Variants in NXPH1 observed in about 807,000 individuals in gnomAD.
The protein encoded by NXPH1 is neurexophilin 1.
Under a neutral mutation model 23.7 loss-of-function variants are expected in NXPH1, and 5 were observed. The observed-to-expected ratio is 0.21, with a 90% CI of 0.11 to 0.44. NXPH1 has a LOEUF of 0.44. Ranked by LOEUF, NXPH1 falls within the 20% of genes least tolerant of loss-of-function variation. The probability of loss-of-function intolerance (pLI) is 0.99; values close to 1 mark genes in which losing one functional copy is unlikely to be tolerated. For missense variants in NXPH1, 324 were observed against 321.6 expected (o/e 1.01, Z -0.06); for synonymous variants, 144 against 122.2 (o/e 1.18, Z -1.18).
chr7:8,623,301 T>C (rs995931606), intron 2 of NXPH1, among the ~76,000 whole-genome samples: 1 of 151,698 alleles, frequency 6.6e-6, no homozygotes, highest in Non-Finnish European at 1.5e-5. Flanking sequence ...ACTGGGGAAA[T>C]TGGATGAAAT....
At position 8,480,862 on chromosome 7, in the gene NXPH1, G is replaced by A. The variant is rs114339954; in HGVS notation, c.54+45095G>A. On this transcript the variant is annotated intron_variant, in intron 2 of 2. Coordinates refer to ENST00000405863, the MANE Select transcript of NXPH1 (RefSeq NM_152745.3). The stretch of plus-strand genomic sequence containing the variant: ...TTCCTTAGTGATTCACTAAGTGTTT[G>A]CAATCATGGTCCACACATTTAGTTG... Among the ~76,000 whole-genome samples, 1,037 of 152,256 alleles carry A rather than the reference G, an allele frequency of 6.8e-3. 14 individuals carry two copies. Among genetic ancestry groups the A allele is most frequent in the African/African-American group, 0.024 (1,001 of 41,542 alleles).
At chr7:8,722,443 A>C (rs1388723992) in intron 2 of NXPH1, among the ~76,000 whole-genome samples, 4 of 152,154 alleles carry the variant, frequency 2.6e-5, no homozygotes, top group African/African-American at 9.7e-5. Context: ...CTCCTTCCTC[A>C]CAGTCCTCAC....
intron 2 of NXPH1, among the ~76,000 whole-genome samples, chr7:8,640,947 G>A (rs185103990): frequency 2.0e-5 from 3 of 152,100 alleles, no homozygotes; most frequent in Admixed American, 2.0e-4. Flanking sequence ...GAGCAAGACT[G>A]TCTCTAATAT....
At chr7:8,658,707 AT>A (rs1455748241) in intron 2 of NXPH1, among the ~76,000 whole-genome samples, 1 of 152,206 alleles carries the variant, frequency 6.6e-6, no homozygotes, top group African/African-American at 2.4e-5. Context: ...TATGTGTATT[AT>A]TTTATAGTGT....
At chr7:8,558,078 G>A (rs1376507125) in intron 2 of NXPH1, among the ~76,000 whole-genome samples, 1 of 151,582 alleles carries the variant, frequency 6.6e-6, no homozygotes, top group Admixed American at 6.6e-5. Flanking sequence ...TCCCTAATTT[G>A]ATATTTTCTG....
intron 2 of NXPH1, among the ~76,000 whole-genome samples, chr7:8,649,843 G>A (rs1316664382): frequency 6.6e-6 from 1 of 152,014 alleles, no homozygotes; most frequent in African/African-American, 2.4e-5. Flanking sequence ...TATGTTCAGG[G>A]GTTATCTAAT....
At chr7:8,699,060 T>C (rs1482345837) in intron 2 of NXPH1, among the ~76,000 whole-genome samples, 2 of 152,128 alleles carry the variant, frequency 1.3e-5, no homozygotes, top group Non-Finnish European at 1.5e-5. Flanking sequence ...ATACAAATAA[T>C]TACATTTGGA....
At chr7:8,727,334 T>G (rs1168758321) in intron 2 of NXPH1, among the ~76,000 whole-genome samples, 1 of 138,234 alleles carries the variant, frequency 7.2e-6, no homozygotes, top group Non-Finnish European at 1.5e-5. Flanking sequence ...AGAAGCTCTT[T>G]AGTTTAATTA....
At chr7:8,711,656 A>C (rs1255876240) in intron 2 of NXPH1, among the ~76,000 whole-genome samples, 9 of 152,258 alleles carry the variant, frequency 5.9e-5, no homozygotes, top group African/African-American at 2.2e-4. Flanking sequence ...ACTTGGGAGC[A>C]TGAGTGTGTG....
chr7:8,485,298 C>T (rs1017916581), intron 2 of NXPH1, among the ~76,000 whole-genome samples: 3 of 152,024 alleles, frequency 2.0e-5, no homozygotes, highest in Non-Finnish European at 4.4e-5. Flanking sequence ...TGTGAGCCCT[C>T]CCCAGACATG....
chr7:8,515,888 A>T (rs1363209429), intron 2 of NXPH1, among the ~76,000 whole-genome samples: 1 of 151,944 alleles, frequency 6.6e-6, no homozygotes, highest in Admixed American at 6.6e-5. Flanking sequence ...GTTACTCATT[A>T]CTCTGCTATC....
chr7:8,654,152 C>A (rs534946139), intron 2 of NXPH1, among the ~76,000 whole-genome samples: 8 of 152,198 alleles, frequency 5.3e-5, no homozygotes, highest in Middle Eastern at 6.8e-3. Context: ...GTCTCAATTT[C>A]TTCTTCTATT....
intron 2 of NXPH1, among the ~76,000 whole-genome samples, chr7:8,744,401 GT>G (rs762865187): frequency 6.6e-6 from 1 of 152,024 alleles, no homozygotes; most frequent in Non-Finnish European, 1.5e-5. Flanking sequence ...ATATGCTTTG[GT>G]TTTTTGTTTG....
At chr7:8,537,127 T>G (rs1343001300) in intron 2 of NXPH1, among the ~76,000 whole-genome samples, 1 of 151,980 alleles carries the variant, frequency 6.6e-6, no homozygotes, top group African/African-American at 2.4e-5. Flanking sequence ...GTATTCCCTC[T>G]TGTACTCCTT....
At chr7:8,621,274 T>A (rs1344091069) in intron 2 of NXPH1, among the ~76,000 whole-genome samples, 1 of 152,024 alleles carries the variant, frequency 6.6e-6, no homozygotes, top group Admixed American at 6.6e-5. Flanking sequence ...CAGGAAGAAG[T>A]CTGTCCAGGA....
intron 2 of NXPH1, among the ~76,000 whole-genome samples, chr7:8,439,418 T>G (rs1312485069): frequency 6.6e-6 from 1 of 152,144 alleles, no homozygotes; most frequent in East Asian, 1.9e-4. Flanking sequence ...GAGGTGAGTC[T>G]AATGAGCACT....
At chr7:8,460,936 C>A (rs1816684494) in intron 2 of NXPH1, among the ~76,000 whole-genome samples, 1 of 152,194 alleles carries the variant, frequency 6.6e-6, no homozygotes, top group Non-Finnish European at 1.5e-5. Context: ...CTCAGTAGGG[C>A]CTCATCACAT....
intron 2 of NXPH1, among the ~76,000 whole-genome samples, chr7:8,642,922 T>G (rs545578357): frequency 2.0e-4 from 31 of 152,218 alleles, no homozygotes; most frequent in African/African-American, 7.5e-4. Flanking sequence ...TGGAGTACAG[T>G]GGCCCAATCT....
chr7:8,634,112 C>T (rs978325682), intron 2 of NXPH1, among the ~76,000 whole-genome samples: 2 of 152,060 alleles, frequency 1.3e-5, no homozygotes, highest in East Asian at 1.9e-4. Context: ...CTGGTGATGT[C>T]GTTTAGCTGT....
Sources: allele counts gnomAD v4.1 joint callset (sites outside exome capture counted in the v4.1 genomes callset), GRCh38; gene constraint gnomAD v4.1.1; transcripts MANE v1.5; gene names NCBI Gene and HGNC (gene_info 2026-07-23, HGNC 2026-07-21).